Variants in CARMIL1 observed in about 807,000 individuals in gnomAD.
CARMIL1 encodes capping protein regulator and myosin 1 linker 1, also known as F-actin-uncapping protein LRRC16A.
CARMIL1 carries 90 observed loss-of-function variants against 177.1 expected under a neutral mutation model. The observed-to-expected ratio is 0.51, with a 90% CI of 0.43 to 0.61. The LOEUF (loss-of-function observed/expected upper bound fraction) is 0.61. Among genes scored for constraint, CARMIL1 ranks in the 20% least tolerant of loss-of-function variants. The pLI is 0.00. For missense variants in CARMIL1, 1,380 were observed against 1,667.0 expected (o/e 0.83, Z 3.00); for synonymous variants, 577 against 606.2 (o/e 0.95, Z 0.71).
chr6:25,593,326 T>C (rs2151289789), intron 31 of CARMIL1, among the ~76,000 whole-genome samples: 1 of 152,320 alleles, frequency 6.6e-6, no homozygotes, highest in East Asian at 1.9e-4. Context: ...GCGTCTCCAA[T>C]TGGTCCTTCA....
At chr6:25,552,734 A>G (rs1265505588) in intron 27 of CARMIL1, among the ~76,000 whole-genome samples, 1 of 152,162 alleles carries the variant, frequency 6.6e-6, no homozygotes, top group Non-Finnish European at 1.5e-5. Context: ...GAAATAGATG[A>G]ACCACTCCTC....
chr6:25,310,588 T>C (rs533658992), intron 2 of CARMIL1, among the ~76,000 whole-genome samples: 155 of 152,318 alleles, frequency 1.0e-3, no homozygotes, highest in African/African-American at 3.4e-3. Flanking sequence ...ATATTCCGGG[T>C]TGCAATCAGA....
At chr6:25,583,502 A>G (rs529937779) in intron 31 of CARMIL1, among the ~76,000 whole-genome samples, 1 of 148,188 alleles carries the variant, frequency 6.7e-6, no homozygotes, top group African/African-American at 2.4e-5. Context: ...GGTTTTGAAT[A>G]TAGTAGGGGT....
chr6:25,519,919 G>A (rs1474874505), intron 22 of CARMIL1, among the ~76,000 whole-genome samples: 2 of 152,172 alleles, frequency 1.3e-5, no homozygotes, highest in East Asian at 3.8e-4. Flanking sequence ...CTTTCCCTAG[G>A]CTTTCCCTCA....
At chr6:25,618,645 G>T (rs1759484853) in intron 36 of CARMIL1, among the ~76,000 whole-genome samples, 1 of 152,166 alleles carries the variant, frequency 6.6e-6, no homozygotes, top group Non-Finnish European at 1.5e-5. Context: ...GAAGGTAATT[G>T]TGAGGAATAG....
chr6:25,284,308 C>T (rs1032564383), intron 1 of CARMIL1, among the ~76,000 whole-genome samples: 2 of 152,190 alleles, frequency 1.3e-5, no homozygotes, highest in Non-Finnish European at 2.9e-5. Flanking sequence ...GGTATTATGT[C>T]GTGCTTTTGT....
intron 11 of CARMIL1, among the ~76,000 whole-genome samples, chr6:25,480,729 CTTT>C (rs1309021528): frequency 8.9e-6 from 1 of 112,728 alleles, no homozygotes; most frequent in Non-Finnish European, 1.8e-5. Flanking sequence ...TATTTGTTTC[CTTT>C]TTTTTTTTTT....
intron 36 of CARMIL1, among the ~76,000 whole-genome samples, chr6:25,616,194 T>C (rs1816876431): frequency 6.6e-6 from 1 of 152,188 alleles, no homozygotes; most frequent in African/African-American, 2.4e-5. Flanking sequence ...TCATCCTGTA[T>C]AAAAGCAAGC....
chr6:25,526,303 A>G (rs933281679), intron 23 of CARMIL1, among the ~76,000 whole-genome samples: 38 of 151,968 alleles, frequency 2.5e-4, no homozygotes, highest in Admixed American at 2.0e-4. Context: ...AGATTGCGCC[A>G]CTGCCCTCCA....
chr6:25,406,716 A>T (rs1794406800), intron 2 of CARMIL1, among the ~76,000 whole-genome samples: 1 of 152,204 alleles, frequency 6.6e-6, no homozygotes, highest in South Asian at 2.1e-4. Context: ...ATGGATGACC[A>T]TCCTTGTTCC....
intron 2 of CARMIL1, among the ~76,000 whole-genome samples, chr6:25,400,508 A>G (rs1168295631): frequency 6.6e-6 from 1 of 152,242 alleles, no homozygotes; most frequent in Non-Finnish European, 1.5e-5. Context: ...AATGCTCTAT[A>G]GATGAGAAAT....
intron 36 of CARMIL1, among the ~76,000 whole-genome samples, chr6:25,619,102 G>A (rs892079881): frequency 6.6e-6 from 1 of 152,130 alleles, no homozygotes; most frequent in Non-Finnish European, 1.5e-5. Context: ...GTCACCTGGA[G>A]CAGAACCGCT....
chr6:25,372,762 T>G (rs9379761), intron 2 of CARMIL1, among the ~76,000 whole-genome samples: 1 of 151,914 alleles, frequency 6.6e-6, no homozygotes, highest in Non-Finnish European at 1.5e-5. Context: ...TTGCTCTGAC[T>G]AGGGCTCCTG....
At chr6:25,452,100 G>C in intron 8 of CARMIL1, 1 of 758,902 alleles carries the variant, frequency 1.3e-6, no homozygotes, top group South Asian at 1.3e-5. Flanking sequence ...AATCGGCCAG[G>C]GAAAAAGTAT....
chr6:25,440,238 G>A (rs1271047917), intron 5 of CARMIL1, among the ~76,000 whole-genome samples: 5 of 152,230 alleles, frequency 3.3e-5, no homozygotes, highest in African/African-American at 9.7e-5. Context: ...GACAGGAGAT[G>A]ATTGGGTGTA....
chr6:25,600,759 C>A lies in CARMIL1; in HGVS notation c.3552+13C>A. The A allele has an allele frequency of 6.8e-7, 1 of 1,467,108 alleles. No individual in the cohort carries two copies. Among genetic ancestry groups the A allele is most frequent in the South Asian group, 1.5e-5 (1 of 67,486 alleles). 90.9% of individuals were successfully genotyped at this position (1,467,108 alleles called of 1,614,324 possible). On this transcript the variant is annotated intron_variant, in intron 33 of 36. Coordinates refer to ENST00000329474, the MANE Select transcript of CARMIL1 (RefSeq NM_017640.6). ...GTGTGCGCAGAAGGTAAGGGTGGACCTATTTTTAATTCATTCATTTATTTG... is the reference window on the plus strand; with the variant it reads ...GTGTGCGCAGAAGGTAAGGGTGGACATATTTTTAATTCATTCATTTATTTG...
chr6:25,336,686 G>A (rs1786272878), intron 2 of CARMIL1, among the ~76,000 whole-genome samples: 1 of 151,996 alleles, frequency 6.6e-6, no homozygotes, highest in African/African-American at 2.4e-5. Flanking sequence ...TTCCATTTTT[G>A]TACCCTCAGG....
chr6:25,611,468 A>G (rs1582526015), intron 36 of CARMIL1, among the ~76,000 whole-genome samples: 2 of 152,332 alleles, frequency 1.3e-5, no homozygotes, highest in South Asian at 4.1e-4. Context: ...CTGACAGTCC[A>G]GTTCTCACCA....
intron 2 of CARMIL1, among the ~76,000 whole-genome samples, chr6:25,295,941 T>C (rs1407554292): frequency 1.3e-5 from 2 of 152,220 alleles, no homozygotes; most frequent in African/African-American, 4.8e-5. Context: ...CTTTGAATGC[T>C]CTCATAAATG....
Sources: allele counts gnomAD v4.1 joint callset (sites outside exome capture counted in the v4.1 genomes callset), GRCh38; gene constraint gnomAD v4.1.1; transcripts MANE v1.5; gene names NCBI Gene and HGNC (gene_info 2026-07-23, HGNC 2026-07-21).